Variants in VPS26B observed in about 807,000 individuals in gnomAD.
The protein encoded by VPS26B is vacuolar protein sorting-associated protein 26B.
A neutral mutation model predicts 33.3 loss-of-function variants in VPS26B; 10 were observed. The ratio of observed to expected loss-of-function variants is 0.30; its 90% confidence interval spans 0.19 to 0.51. The LOEUF is 0.51. Ranked by LOEUF, VPS26B falls within the 20% of genes least tolerant of loss-of-function variation. VPS26B has a pLI of 0.98. For synonymous variants in VPS26B, 190 were observed against 176.9 expected (o/e 1.07, Z -0.59); for missense variants, 317 against 452.7 (o/e 0.70, Z 2.72).
rs1396757339 is a variant in VPS26B at position 134,240,808 on chromosome 11, T to A, written c.545+653T>A. ...GTGTGTGTGTCCGTGTGTGTGTGTG[T>A]GTGTGTGTGTGTGTGTGTGTAGCCA... is the stretch of plus-strand genomic sequence containing the variant. On this transcript the variant is annotated intron_variant, in intron 3 of 5. Transcript: ENST00000281187. This position sits in a 1 kb window ranked among gnomAD's most constrained non-coding sequence, Gnocchi z 4.4. Among the ~76,000 whole-genome samples, 3 of 144,780 alleles carry A rather than the reference T, an allele frequency of 2.1e-5. No individual in the cohort carries two copies. The highest frequency in any genetic ancestry group is 3.1e-5 in the Non-Finnish European group (2 of 63,580). The allele number at this position is 144,780 out of a possible 152,430, so 95.0% of individuals were successfully genotyped here.
At position 134,243,220 on chromosome 11, in the gene VPS26B, G is replaced by A; in HGVS notation, c.647G>A (p.Gly216Asp). ...GACATCATCAAGCGAGAAACGACGGGTACAGGCCCCAACGTGTACCATGAG... is the reference window on the plus strand; with the variant it reads ...GACATCATCAAGCGAGAAACGACGGATACAGGCCCCAACGTGTACCATGAG... The part of the protein sequence containing the change: ...EIDIIKRETT[G>D]TGPNVYHEND... Residue 216 changes from glycine to aspartate, a missense_variant, in exon 4 of 6, where the codon GGT (glycine) becomes GAT (aspartate). Physicochemically the swap from Gly to Asp is moderately conservative, Grantham distance 94 (BLOSUM62 -1). Coordinates refer to ENST00000281187, the MANE Select transcript of VPS26B (RefSeq NM_052875.5). The A allele has an allele frequency of 1.2e-6, 2 of 1,614,144 alleles. No homozygotes were observed. The highest frequency in any genetic ancestry group is 1.7e-6 in the Non-Finnish European group (2 of 1,180,030).
chr11:134,243,018 C>A, intron 3 of VPS26B, 101 bp from the exon 4 acceptor site: 1 of 1,195,362 alleles, frequency 8.4e-7, no homozygotes. Context: ...TGCAACTGGA[C>A]GTTTAACCAG....
Position 134,246,795 on chromosome 11 carries a change from G to A in VPS26B, c.*1205G>A, listed in dbSNP as rs1471262396. 1 of 152,194 alleles carries A rather than the reference G, an allele frequency of 6.6e-6. No individual in the cohort carries two copies. The highest frequency in any genetic ancestry group is 1.5e-5 in the Non-Finnish European group (1 of 68,016). The allele number at this position is 152,194 out of a possible 1,614,324, so 9.4% of individuals were successfully genotyped here. A position where few individuals can be genotyped will look rare whatever the true frequency, so the allele number is the denominator to read the frequency against. ...TATTCTTGTTATGCTAGAGAGGAAG[G>A]TACTTCTCCCTCTACGGCTCTGCGC... On this transcript the variant is annotated 3_prime_UTR_variant, in exon 6 of 6. Coordinates refer to ENST00000281187, the MANE Select transcript of VPS26B (RefSeq NM_052875.5).
intron 1 of VPS26B, 182 bp downstream of exon 1, chr11:134,225,527 C>A: frequency 4.6e-6 from 3 of 650,154 alleles, no homozygotes; most frequent in Non-Finnish European, 8.0e-6. Flanking sequence ...GTCCTCCCTG[C>A]CAAAAGTGAC....
rs1591882738 is a variant in VPS26B, at chr11:134,240,737, C to A, written c.545+582C>A. Among the ~76,000 whole-genome samples, 1 of 151,838 alleles carries A rather than the reference C, an allele frequency of 6.6e-6. No individual in the cohort carries two copies. Among genetic ancestry groups the A allele is most frequent in the South Asian group, 2.1e-4 (1 of 4,808 alleles). ...CTCCGCCCCTACAAGTAGCTAGGAG[C>A]ACAGGCATGCACCGCCACACCCAGC... On this transcript the variant is annotated intron_variant, in intron 3 of 5. Transcript: ENST00000281187. This position sits in a 1 kb window ranked among gnomAD's most constrained non-coding sequence, Gnocchi z 4.4.
intron 2 of VPS26B, chr11:134,236,655 T>C (rs923221682): frequency 2.0e-5 from 3 of 152,258 alleles, no homozygotes; most frequent in African/African-American, 7.2e-5. Flanking sequence ...TTCTGTCCTA[T>C]GCTACAACAT....
intron 1 of VPS26B, among the ~76,000 whole-genome samples, chr11:134,231,216 A>G (rs557667912): frequency 6.6e-5 from 10 of 150,542 alleles, no homozygotes; most frequent in Admixed American, 1.3e-4. Context: ...GCCAACAGAC[A>G]TTATCTGGAT....
chr11:134,225,377 C>T, intron 1 of VPS26B, 32 bp downstream of exon 1: 1 of 1,607,570 alleles, frequency 6.2e-7, no homozygotes, highest in Non-Finnish European at 8.5e-7. Context: ...CCTCCCCCAG[C>T]GCCGACAGCC....
At chr11:134,238,343 T>C (rs1938665357) in intron 2 of VPS26B, among the ~76,000 whole-genome samples, 1 of 152,096 alleles carries the variant, frequency 6.6e-6, no homozygotes, top group Non-Finnish European at 1.5e-5. Flanking sequence ...AGGAGCACAT[T>C]GTAAGTCTTG....
chr11:134,229,777 G>T (rs1213153613), intron 1 of VPS26B, among the ~76,000 whole-genome samples: 1 of 152,122 alleles, frequency 6.6e-6, no homozygotes, highest in African/African-American at 2.4e-5. Flanking sequence ...CTGTGAGGAT[G>T]AAGTTTCTTA....
chr11:134,229,632 C>T (rs189140394), intron 1 of VPS26B, among the ~76,000 whole-genome samples: 1 of 152,338 alleles, frequency 6.6e-6, no homozygotes, highest in Non-Finnish European at 1.5e-5. Flanking sequence ...TTTTGGCCTT[C>T]TCTGCTGGTT....
At position 134,245,623 on chromosome 11, in the gene VPS26B, C is replaced by T. The variant is rs1938801718; in HGVS notation, c.*33C>T. On this transcript the variant is annotated 3_prime_UTR_variant, in exon 6 of 6. Coordinates refer to ENST00000281187, the MANE Select transcript of VPS26B (RefSeq NM_052875.5). This position sits in a 1 kb window ranked among gnomAD's most constrained non-coding sequence, Gnocchi z 4.7. ...GGGCCGAGAAGATGCTGGGCACCCACCCAGCACCCCCATCTACCAACACCA... is the reference window on the plus strand; with the variant it reads ...GGGCCGAGAAGATGCTGGGCACCCATCCAGCACCCCCATCTACCAACACCA... 1 of 1,576,738 alleles carries T rather than the reference C, an allele frequency of 6.3e-7. No individual in the cohort carries two copies. The highest frequency in any genetic ancestry group is 8.6e-7 in the Non-Finnish European group (1 of 1,163,316).
At chr11:134,226,968 C>T (rs1415807420) in intron 1 of VPS26B, among the ~76,000 whole-genome samples, 3 of 152,098 alleles carry the variant, frequency 2.0e-5, no homozygotes, top group African/African-American at 7.2e-5. Context: ...GAAAAGGGGC[C>T]GAAGAGTGAG....
chr11:134,241,134 G>C (rs974843717), intron 3 of VPS26B, among the ~76,000 whole-genome samples: 1 of 152,062 alleles, frequency 6.6e-6, no homozygotes, highest in African/African-American at 2.4e-5. Flanking sequence ...GAGAATGTTT[G>C]GAACTCAAAT....
At position 134,226,289 on chromosome 11, in the gene VPS26B, C is replaced by T. The variant is rs1005075270; in HGVS notation, c.223+944C>T. Among the ~76,000 whole-genome samples the T allele has an allele frequency of 3.9e-5, 6 of 152,190 alleles. No homozygotes were observed. The East Asian group carries it at 7.7e-4, about 20-fold the overall frequency. ...GTCGTGGTGGTGCTTGCCGGTAGTC[C>T]TAGCTCCTCGGGGGGCTAAGATGGG... is the stretch of plus-strand genomic sequence containing the variant. On this transcript the variant is annotated intron_variant, in intron 1 of 5. Transcript: ENST00000281187.
chr11:134,240,810 T>TGTGTCC lies in VPS26B; in HGVS notation c.545+659_545+660insCCGTGT, dbSNP rs1938712022. Among the ~76,000 whole-genome samples the TGTGTCC allele has an allele frequency of 6.9e-6, 1 of 145,358 alleles. No homozygotes were observed. The highest frequency in any genetic ancestry group is 1.6e-5 in the Non-Finnish European group (1 of 63,966). Reference sequence around the variant, plus strand: ...GTGTGTGTCCGTGTGTGTGTGTGTGTGTGTGTGTGTGTGTGTGTAGCCAAG... The same window carrying TGTGTCC: ...GTGTGTGTCCGTGTGTGTGTGTGTGTGTGTCCGTGTGTGTGTGTGTGTGTAGCCAAG... On this transcript the variant is annotated intron_variant, in intron 3 of 5. Coordinates refer to ENST00000281187, the MANE Select transcript of VPS26B (RefSeq NM_052875.5). The surrounding 1 kb of genome is among the most constrained non-coding windows in gnomAD (Gnocchi z 4.4).
rs1240692223 is a variant in VPS26B, at chr11:134,245,706, G to A, written c.*116G>A. ...TCAGTTGACCCGTTACTTGCAACCT[G>A]AAAACAAATCATGTTTTTGACTTAA... On this transcript the variant is annotated 3_prime_UTR_variant, in exon 6 of 6. Transcript: ENST00000281187. The surrounding 1 kb of genome is among the most constrained non-coding windows in gnomAD (Gnocchi z 4.7). 1.5e-6 allele frequency: 2 copies of A among 1,308,638 alleles called. No individual in the cohort carries two copies. Among genetic ancestry groups the A allele is most frequent in the Non-Finnish European group, 2.0e-6 (2 of 978,848 alleles). The allele number at this position is 1,308,638 out of a possible 1,614,324, so 81.1% of individuals were successfully genotyped here. A position where few individuals can be genotyped will look rare whatever the true frequency, so the allele number is the denominator to read the frequency against.
At chr11:134,239,582 T>A in intron 2 of VPS26B, 1 of 195,424 alleles carries the variant, frequency 5.1e-6, no homozygotes, top group Non-Finnish European at 1.1e-5. Context: ...ACGGACTCCT[T>A]TGCCCCAAAA....
In VPS26B at chr11:134,240,072, A is replaced by G. The variant is rs910008294; in HGVS notation, c.462A>G (p.Thr154=). The change falls in exon 3 of 6, where the codon ACA becomes ACG. Residue 154 remains threonine, a synonymous_variant. Coordinates refer to ENST00000281187, the MANE Select transcript of VPS26B (RefSeq NM_052875.5). This position sits in a 1 kb window ranked among gnomAD's most constrained non-coding sequence, Gnocchi z 4.4. ...EMDIVVHTLS[T]YPELNSSIKM... Reference sequence around the variant, plus strand: ...ACATTGTAGTTCACACACTCAGCACATACCCAGAGCTGAACTCTTCCATCA... The same window carrying G: ...ACATTGTAGTTCACACACTCAGCACGTACCCAGAGCTGAACTCTTCCATCA... The G allele has an allele frequency of 5.6e-6, 9 of 1,614,068 alleles. No homozygotes were observed. The Middle Eastern group carries it at 6.6e-4, about 118-fold the overall frequency.
Sources: gnomAD v4.1 joint callset for allele counts (sites outside exome capture counted in the v4.1 genomes callset) on GRCh38, gnomAD v4.1.1 for gene constraint, Gnocchi (gnomAD v3.1) non-coding constraint, MANE v1.5 for transcripts, NCBI Gene and HGNC (gene_info 2026-07-23, HGNC 2026-07-21) for gene names.